Variants in ERBB4 observed in about 807,000 individuals in gnomAD.
ERBB4 encodes the protein receptor tyrosine-protein kinase erbB-4.
Under a neutral mutation model 158.0 loss-of-function variants are expected in ERBB4, and 42 were observed. The ratio of observed to expected loss-of-function variants is 0.27; its 90% CI spans 0.21 to 0.34. The LOEUF (loss-of-function observed/expected upper bound fraction) is 0.34, where lower values mean the gene tolerates loss of function less well. Among genes scored for constraint, ERBB4 ranks in the 10% least tolerant of loss-of-function variants. The pLI is 1.00. For synonymous variants in ERBB4, 583 were observed against 558.7 expected (o/e 1.04, Z -0.61); for missense variants, 1,333 against 1,624.1 (o/e 0.82, Z 3.08).
rs2073352477 is a variant in ERBB4 at position 211,704,157 on chromosome 2, A to T, written c.1236T>A (p.Thr412=). 6.2e-7 allele frequency: 1 copy of T among 1,613,206 alleles called. No homozygotes were observed. Among genetic ancestry groups the T allele is most frequent in the African/African-American group, 1.3e-5 (1 of 75,042 alleles). The change falls in exon 11 of 28, where the codon ACT becomes ACA. Residue 412 remains threonine (T), a synonymous_variant. Transcript: ENST00000342788. Reference sequence around the variant, plus strand: ...CCAGGTTAGAAAAAACACTGAAGTCAGTCATGTTTGGTGGCCATGACTGTA... The same window carrying T: ...CCAGGTTAGAAAAAACACTGAAGTCTGTCATGTTTGGTGGCCATGACTGTA... ...LNIQSWPPNM[T]DFSVFSNLVT...
At chr2:211,518,351 G>A (rs902448140) in intron 20 of ERBB4, among the ~76,000 whole-genome samples, 13 of 151,288 alleles carry the variant, frequency 8.6e-5, no homozygotes, top group African/African-American at 3.2e-4. Context: ...TTGAATTTGT[G>A]TCCTCTTGGA....
At chr2:212,192,055 G>C (rs771614264) in intron 1 of ERBB4, among the ~76,000 whole-genome samples, 1 of 100,764 alleles carries the variant, frequency 9.9e-6, no homozygotes. Context: ...TATGTTATAT[G>C]TTATATATGT....
chr2:212,483,753 T>C (rs1689830285), intron 1 of ERBB4, among the ~76,000 whole-genome samples: 1 of 152,184 alleles, frequency 6.6e-6, no homozygotes, highest in Non-Finnish European at 1.5e-5. Flanking sequence ...GGTCTTTTTT[T>C]TGAGACTGAG....
intron 1 of ERBB4, among the ~76,000 whole-genome samples, chr2:212,497,574 G>T (rs945431270): frequency 6.6e-6 from 1 of 152,124 alleles, no homozygotes; most frequent in Non-Finnish European, 1.5e-5. Flanking sequence ...CTGGATGAAG[G>T]TCTAGAAAGC....
intron 14 of ERBB4, among the ~76,000 whole-genome samples, chr2:211,666,609 C>T (rs2071639099): frequency 6.6e-6 from 1 of 152,132 alleles, no homozygotes; most frequent in Non-Finnish European, 1.5e-5. Context: ...TTGGTAAATG[C>T]TATCTTTCTT....
chr2:211,822,653 C>A (rs1248693646), intron 3 of ERBB4, among the ~76,000 whole-genome samples: 3 of 151,986 alleles, frequency 2.0e-5, no homozygotes, highest in African/African-American at 4.8e-5. Context: ...CCAAAATCCA[C>A]ATAAATGTTT....
chr2:212,471,328 T>C (rs1356598063), intron 1 of ERBB4, among the ~76,000 whole-genome samples: 1 of 152,014 alleles, frequency 6.6e-6, no homozygotes, highest in East Asian at 1.9e-4. Flanking sequence ...AAGAGACTCT[T>C]TGCAGAGTCT....
intron 2 of ERBB4, among the ~76,000 whole-genome samples, chr2:212,022,797 T>A (rs554186707): frequency 2.0e-5 from 3 of 152,154 alleles, no homozygotes; most frequent in Non-Finnish European, 4.4e-5. Flanking sequence ...TGGTCACAAA[T>A]GAAATAATTC....
At chr2:211,702,320 A>G (rs2073284175) in intron 11 of ERBB4, among the ~76,000 whole-genome samples, 154 bp from the exon 12 acceptor site, 1 of 152,204 alleles carries the variant, frequency 6.6e-6, no homozygotes, top group Non-Finnish European at 1.5e-5. Context: ...CATGCTATAT[A>G]CAGTTTTTAA....
chr2:212,399,586 T>TA (rs1560214701), intron 1 of ERBB4, among the ~76,000 whole-genome samples: 21 of 103,076 alleles, frequency 2.0e-4, no homozygotes, highest in Middle Eastern at 0.011. Flanking sequence ...ATATATATAT[T>TA]GGGCGTGGTG....
chr2:212,125,079 T>C (rs2079880862), intron 1 of ERBB4, 176 bp from the exon 2 acceptor site: 7 of 666,604 alleles, frequency 1.1e-5, no homozygotes, highest in East Asian at 2.8e-5. Context: ...TTCACTTTTA[T>C]ATTCCCAAAT....
chr2:212,124,943 T>G (rs2079875003), intron 1 of ERBB4, 40 bp from the exon 2 acceptor site: 2 of 1,603,948 alleles, frequency 1.2e-6, no homozygotes, highest in Admixed American at 1.7e-5. Flanking sequence ...TACATAACCT[T>G]TATATGATAT....
intron 12 of ERBB4, among the ~76,000 whole-genome samples, chr2:211,692,912 A>C (rs1422497779): frequency 1.3e-5 from 2 of 152,206 alleles, no homozygotes; most frequent in Non-Finnish European, 2.9e-5. Flanking sequence ...ACATGTGTAA[A>C]GTGTAATGAC....
intron 1 of ERBB4, among the ~76,000 whole-genome samples, chr2:212,369,724 T>C (rs1338514331): frequency 4.6e-5 from 7 of 152,062 alleles, no homozygotes; most frequent in Admixed American, 4.6e-4. Flanking sequence ...GAACAGGGTC[T>C]CACTCTGATG....
chr2:211,401,140 G>A (rs968985379), intron 25 of ERBB4, among the ~76,000 whole-genome samples: 1 of 151,840 alleles, frequency 6.6e-6, no homozygotes, highest in Non-Finnish European at 1.5e-5. Flanking sequence ...TCAAAGAAAG[G>A]CTCCTTAGAA....
At chr2:212,523,610 G>A (rs1692289093) in intron 1 of ERBB4, among the ~76,000 whole-genome samples, 1 of 151,966 alleles carries the variant, frequency 6.6e-6, no homozygotes, top group African/African-American at 2.4e-5. Context: ...TCTATGAAGA[G>A]CAGGTAGGAT....
chr2:212,321,531 A>C (rs1307527102), intron 1 of ERBB4, among the ~76,000 whole-genome samples: 1 of 150,534 alleles, frequency 6.6e-6, no homozygotes, highest in Non-Finnish European at 1.5e-5. Context: ...TGTATTAAAA[A>C]TACAACAAAA....
At chr2:212,028,042 A>G (rs1237296669) in intron 2 of ERBB4, among the ~76,000 whole-genome samples, 3 of 152,098 alleles carry the variant, frequency 2.0e-5, no homozygotes, top group Non-Finnish European at 4.4e-5. Context: ...AAATGAAGGA[A>G]GTTGCCAGTT....
chr2:211,605,365 G>A (rs930280843), intron 19 of ERBB4, among the ~76,000 whole-genome samples: 2 of 152,144 alleles, frequency 1.3e-5, no homozygotes, highest in African/African-American at 4.8e-5. Context: ...GATGCTTGGA[G>A]ATGAGGGTCT....
Sources: gnomAD v4.1 joint callset for allele counts (sites outside exome capture counted in the v4.1 genomes callset) on GRCh38, gnomAD v4.1.1 for gene constraint, MANE v1.5 for transcripts, NCBI Gene and HGNC (gene_info 2026-07-23, HGNC 2026-07-21) for gene names.